Variants in BTF3L4 observed in about 807,000 individuals in gnomAD.
The protein encoded by BTF3L4 is transcription factor BTF3 homolog 4.
Under a neutral mutation model 16.8 loss-of-function variants are expected in BTF3L4, and 6 were observed. The observed-to-expected ratio is 0.36, with a 90% CI of 0.20 to 0.71. BTF3L4 has a LOEUF of 0.71. Among genes scored for constraint, BTF3L4 ranks in the 30% least tolerant of loss-of-function variants. The pLI is 0.58. For missense variants in BTF3L4, 92 were observed against 186.9 expected (o/e 0.49, Z 2.96); for synonymous variants, 39 against 59.8 (o/e 0.65, Z 1.60).
At position 52,071,929 on chromosome 1, in the gene BTF3L4, C is replaced by CCCTGTGTG. The variant is rs1491187855; in HGVS notation, c.168+6991_168+6992insCCTGTGTG. Among the ~76,000 whole-genome samples, 11 of 78,980 alleles carry CCCTGTGTG rather than the reference C, an allele frequency of 1.4e-4. No individual in the cohort carries two copies. In the Admixed American group the frequency reaches 1.4e-3, roughly 10 times the overall value. 51.8% of individuals were successfully genotyped at this position (78,980 alleles called of 152,430 possible). On this transcript the variant is annotated intron_variant, in intron 3 of 5. Transcript: ENST00000313334. The stretch of plus-strand genomic sequence containing the variant: ...TTTTGGCTTTTTGTTTTGTTTTTTA[C>CCCTGTGTG]TCTGTGTGTGTGTGTGTGTGTGTGT...
intron 2 of BTF3L4, among the ~76,000 whole-genome samples, chr1:52,062,994 C>G (rs1272158020): frequency 1.3e-5 from 2 of 152,208 alleles, no homozygotes; most frequent in Non-Finnish European, 2.9e-5. Context: ...CTGTGGAGCC[C>G]AAGCAGTAAT....
intron 1 of BTF3L4, 39 bp from the exon 2 acceptor site, chr1:52,059,796 A>C: frequency 6.3e-7 from 1 of 1,598,260 alleles, no homozygotes; most frequent in Non-Finnish European, 8.6e-7. Flanking sequence ...TAATTTCGGC[A>C]AAAGAGTGAC....
In BTF3L4 at chr1:52,079,440, A is replaced by G. The variant is rs1056354519; in HGVS notation, c.169-3900A>G. Among the ~76,000 whole-genome samples the G allele has an allele frequency of 2.6e-5, 4 of 151,756 alleles. No individual in the cohort carries two copies. The South Asian group carries it at 6.2e-4, about 24-fold the overall frequency. On this transcript the variant is annotated intron_variant, in intron 3 of 5. Transcript: ENST00000313334. Reference sequence around the variant, plus strand: ...CTGTTTTACCTTCTAGTATTTCTCTATATTCTAAAATTAACTAAACTCTCC... The same window carrying G: ...CTGTTTTACCTTCTAGTATTTCTCTGTATTCTAAAATTAACTAAACTCTCC...
At chr1:52,073,390 C>T (rs1317149562) in intron 3 of BTF3L4, among the ~76,000 whole-genome samples, 1 of 151,252 alleles carries the variant, frequency 6.6e-6, no homozygotes, top group Non-Finnish European at 1.5e-5. Flanking sequence ...AACCATAATC[C>T]CTACCACCCA....
chr1:52,079,066 A>G (rs1310025508), intron 3 of BTF3L4, among the ~76,000 whole-genome samples: 1 of 152,172 alleles, frequency 6.6e-6, no homozygotes, highest in Non-Finnish European at 1.5e-5. Context: ...GACTTTAACA[A>G]GTTCCTTATC....
intron 5 of BTF3L4, 124 bp from the exon 6 acceptor site, chr1:52,086,588 T>C (rs1643974559): frequency 1.8e-6 from 1 of 568,798 alleles, no homozygotes; most frequent in Non-Finnish European, 3.1e-6. Context: ...TGCCTCCTTA[T>C]GTTTTCAGGC....
chr1:52,063,615 A>G (rs181891167), intron 2 of BTF3L4, among the ~76,000 whole-genome samples: 1 of 152,342 alleles, frequency 6.6e-6, no homozygotes, highest in African/African-American at 2.4e-5. Flanking sequence ...AAGACTTAAT[A>G]AACTGATCCA....
At chr1:52,060,962 CTGTGGT>C (rs2124413388) in intron 2 of BTF3L4, among the ~76,000 whole-genome samples, 1 of 152,314 alleles carries the variant, frequency 6.6e-6, no homozygotes, top group Non-Finnish European at 1.5e-5. Context: ...TATTTTAAAA[CTGTGGT>C]TGGTACATTC....
At chr1:52,080,218 A>G (rs1643905757) in intron 3 of BTF3L4, among the ~76,000 whole-genome samples, 1 of 152,138 alleles carries the variant, frequency 6.6e-6, no homozygotes, top group Admixed American at 6.6e-5. Context: ...ATGATTTAGT[A>G]GGAAGGAAAC....
In BTF3L4 at chr1:52,061,621, A is replaced by G. The variant is rs1686511947; in HGVS notation, c.54+1720A>G. Among the ~76,000 whole-genome samples, 7 of 148,088 alleles carry G rather than the reference A, an allele frequency of 4.7e-5. No homozygotes were observed. The South Asian group carries it at 1.5e-3, about 32-fold the overall frequency. On this transcript the variant is annotated intron_variant, in intron 2 of 5. Coordinates refer to ENST00000313334, the MANE Select transcript of BTF3L4 (RefSeq NM_152265.5). ...ACTTAATGGAATGGCTTGCTTTAAT[A>G]TGGTACAGCTATTCTTTTTTTTTTT...
rs1290988678 is a variant in BTF3L4 at position 52,070,215 on chromosome 1, A to G, written c.168+5277A>G. Among the ~76,000 whole-genome samples the G allele has an allele frequency of 1.1e-3, 3 of 2,800 alleles. No homozygotes were observed. In the Non-Finnish European group the frequency reaches 0.065, roughly 61 times the overall value. The allele number at this position is 2,800 out of a possible 152,430, so 1.8% of individuals were successfully genotyped here. On this transcript the variant is annotated intron_variant, in intron 3 of 5. Coordinates refer to ENST00000313334, the MANE Select transcript of BTF3L4 (RefSeq NM_152265.5). Reference sequence around the variant, plus strand: ...CTGGGCGACAGAGCAAGACTGTCTAAAAAAAAAAAAAAACTAAAAGACTAT... The same window carrying G: ...CTGGGCGACAGAGCAAGACTGTCTAGAAAAAAAAAAAAACTAAAAGACTAT...
intron 3 of BTF3L4, among the ~76,000 whole-genome samples, chr1:52,073,669 A>G (rs898331446): frequency 1.4e-5 from 2 of 139,918 alleles, no homozygotes; most frequent in Non-Finnish European, 3.0e-5. Context: ...CCTAGGTAAC[A>G]TCGTGAGATG....
chr1:52,089,164 CTTTATT>C lies in BTF3L4; in HGVS notation c.*2413_*2418del, dbSNP rs1237325090. The C allele has an allele frequency of 2.0e-5, 3 of 152,100 alleles. No homozygotes were observed. The highest frequency in any genetic ancestry group is 4.4e-5 in the Non-Finnish European group (3 of 68,008). 9.4% of individuals were successfully genotyped at this position (152,100 alleles called of 1,614,324 possible). A position where few individuals can be genotyped will look rare whatever the true frequency, so the allele number is the denominator to read the frequency against. On this transcript the variant is annotated 3_prime_UTR_variant, in exon 6 of 6. Coordinates refer to ENST00000313334, the MANE Select transcript of BTF3L4 (RefSeq NM_152265.5). Reference sequence around the variant, plus strand: ...GATTTTATCATTTGTTCAGAGATGTCTTTATTTTTATTAATACCCATAAAACGTTTG... The same window carrying C: ...GATTTTATCATTTGTTCAGAGATGTCTTTATTAATACCCATAAAACGTTTG...
chr1:52,084,084 T>C (rs141417491), intron 4 of BTF3L4, among the ~76,000 whole-genome samples: 32 of 152,188 alleles, frequency 2.1e-4, no homozygotes, highest in African/African-American at 5.8e-4. Context: ...TGAGAAGTAA[T>C]TACCTAAAAG....
At position 52,060,344 on chromosome 1, in the gene BTF3L4, C is replaced by G. The variant is rs547139898; in HGVS notation, c.54+443C>G. 484 of 546,132 alleles carry G rather than the reference C, an allele frequency of 8.9e-4. 11 individuals carry two copies. In the South Asian group the frequency reaches 0.01, roughly 12 times the overall value. The allele number at this position is 546,132 out of a possible 1,614,324, so 33.8% of individuals were successfully genotyped here. A position where few individuals can be genotyped will look rare whatever the true frequency, so the allele number is the denominator to read the frequency against. On this transcript the variant is annotated intron_variant, in intron 2 of 5. Coordinates refer to ENST00000313334, the MANE Select transcript of BTF3L4 (RefSeq NM_152265.5). ...CAGGGCATACCAGATGTTAGGGTTACTTTGTCTTGACTGGATGTTACCTAC... is the reference window on the plus strand; with the variant it reads ...CAGGGCATACCAGATGTTAGGGTTAGTTTGTCTTGACTGGATGTTACCTAC...
chr1:52,064,573 G>T (rs186443259), intron 2 of BTF3L4, among the ~76,000 whole-genome samples: 1 of 152,176 alleles, frequency 6.6e-6, no homozygotes, highest in Admixed American at 6.5e-5. Flanking sequence ...AATGACAAAG[G>T]CTGGATATTA....
chr1:52,060,924 G>A (rs1326902517), intron 2 of BTF3L4, among the ~76,000 whole-genome samples: 1 of 152,232 alleles, frequency 6.6e-6, no homozygotes, highest in Non-Finnish European at 1.5e-5. Context: ...ATACCTAGAA[G>A]AGCTTGATGT....
chr1:52,058,276 A>G (rs1248933104), intron 1 of BTF3L4, among the ~76,000 whole-genome samples: 1 of 152,190 alleles, frequency 6.6e-6, no homozygotes, highest in Non-Finnish European at 1.5e-5. Flanking sequence ...GCATTGTGAT[A>G]CAGCGCTGAG....
intron 3 of BTF3L4, chr1:52,065,526 A>C (rs895688837): frequency 6.6e-5 from 10 of 151,972 alleles, no homozygotes; most frequent in African/African-American, 2.2e-4. Context: ...TCGGCCTCCC[A>C]AAGTGCTGGG....
Sources: gnomAD v4.1 joint callset for allele counts (sites outside exome capture counted in the v4.1 genomes callset) on GRCh38, gnomAD v4.1.1 for gene constraint, MANE v1.5 for transcripts, NCBI Gene and HGNC (gene_info 2026-07-23, HGNC 2026-07-21) for gene names.